APCDD1: variants seen among roughly 807,000 people sequenced by gnomAD.
The protein encoded by APCDD1 is protein APCDD1.
Under a neutral mutation model 38.1 loss-of-function variants are expected in APCDD1, and 15 were observed. That is an observed-to-expected ratio of 0.39 (90% confidence interval 0.26 to 0.61). The LOEUF is 0.61. Among genes scored for constraint, APCDD1 ranks in the 20% least tolerant of loss-of-function variants. APCDD1 has a pLI of 0.49. For missense variants in APCDD1, 647 were observed against 696.2 expected (o/e 0.93, Z 0.79); for synonymous variants, 261 against 279.7 (o/e 0.93, Z 0.67).
rs920934508 is a variant in APCDD1, at chr18:10,476,259, A to G, written c.774+4198A>G. 6.6e-6 allele frequency: 1 copy of G among 152,378 alleles called. No individual in the cohort carries two copies. The highest frequency in any genetic ancestry group is 1.5e-5 in the Non-Finnish European group (1 of 68,042). 9.4% of individuals were successfully genotyped at this position (152,378 alleles called of 1,614,324 possible). On this transcript the variant is annotated intron_variant, in intron 3 of 4. Coordinates refer to ENST00000355285, the MANE Select transcript of APCDD1 (RefSeq NM_153000.5). This position sits in a 1 kb window ranked among gnomAD's most constrained non-coding sequence, Gnocchi z 5.8. ...CCCTCTAGAAACAGGACACCGTGTA[A>G]AAATAGAAACTTTAAGTCAACTTGT...
Position 10,485,603 on chromosome 18 carries a change from G to A in APCDD1, c.916G>A (p.Val306Ile), listed in dbSNP as rs760127834. The A allele has an allele frequency of 2.5e-6, 4 of 1,613,978 alleles. No individual in the cohort carries two copies. Residue 306 changes from valine (V) to isoleucine (I), a missense_variant, in exon 4 of 5, where the codon GTC (valine) becomes ATC (isoleucine). Transcript: ENST00000355285. The surrounding 1 kb of genome is among the most constrained non-coding windows in gnomAD (Gnocchi z 5.8). The part of the protein sequence containing the change: ...VSQRCEVRPE[V>I]LFLTRHFIFH... ...CCAGCGCTGTGAGGTGCGCCCCGAA[G>A]TCCTCTTCCTCACCCGCCACTTCAT...
In APCDD1 at chr18:10,457,498, AT is replaced by A. The variant is rs1254443362; in HGVS notation, c.58+2467del. Among the ~76,000 whole-genome samples the A allele has an allele frequency of 2.6e-5, 4 of 152,250 alleles. No homozygotes were observed. The East Asian group carries it at 5.8e-4, about 22-fold the overall frequency. On this transcript the variant is annotated intron_variant, in intron 1 of 4. Coordinates refer to ENST00000355285, the MANE Select transcript of APCDD1 (RefSeq NM_153000.5). ...CTTGAAATCTTCTAAGGAATTAGTG[AT>A]TTTTTTTCCTGATAAATAGGCATTT... is the stretch of plus-strand genomic sequence containing the variant.
chr18:10,482,038 CT>C (rs1188341876), intron 3 of APCDD1, among the ~76,000 whole-genome samples: 2 of 152,116 alleles, frequency 1.3e-5, no homozygotes, highest in African/African-American at 4.8e-5. Context: ...GCAGTGCCCC[CT>C]CCCCTCCCCC....
At position 10,462,799 on chromosome 18, in the gene APCDD1, G is replaced by A. The variant is rs1053426496; in HGVS notation, c.59-5670G>A. ...CAAAAGATTTACTGTAGTTTGTTGG[G>A]AGCTGTTCCCTTCTTTTATCTTTCT... is the stretch of plus-strand genomic sequence containing the variant. On this transcript the variant is annotated intron_variant, in intron 1 of 4. Coordinates refer to ENST00000355285, the MANE Select transcript of APCDD1 (RefSeq NM_153000.5). Among the ~76,000 whole-genome samples, 5 of 151,878 alleles carry A rather than the reference G, an allele frequency of 3.3e-5. 1 individual carries two copies. Among genetic ancestry groups the A allele is most frequent in the African/African-American group, 1.2e-4 (5 of 41,310 alleles).
rs752102915 is a variant in APCDD1, at chr18:10,472,023, C to T, written c.736C>T (p.Arg246Trp). Reference sequence around the variant, plus strand: ...TGATGCCACCCAGAGGATGTTCTACCGGCCCTCCAGTTACCAGCCCCCTCT... The same window carrying T: ...TGATGCCACCCAGAGGATGTTCTACTGGCCCTCCAGTTACCAGCCCCCTCT... Reference protein sequence around the residue: ...HTDATQRMFYRPSSYQPPLQN... With the variant: ...HTDATQRMFYWPSSYQPPLQN... The change falls in exon 3 of 5, where the codon CGG becomes TGG. Residue 246 changes from arginine to tryptophan, a missense_variant. Physicochemically the swap from Arg to Trp is moderately radical, Grantham distance 101 (BLOSUM62 -3). Transcript: ENST00000355285. The surrounding 1 kb of genome is among the most constrained non-coding windows in gnomAD (Gnocchi z 6.6). The T allele has an allele frequency of 1.5e-5, 25 of 1,613,716 alleles. No homozygotes were observed. The highest frequency in any genetic ancestry group is 3.3e-5 in the Admixed American group (2 of 60,014).
At chr18:10,468,176 T>C (rs1054330669) in intron 1 of APCDD1, among the ~76,000 whole-genome samples, 8 of 152,260 alleles carry the variant, frequency 5.3e-5, no homozygotes, top group Non-Finnish European at 4.4e-5. Context: ...TGTTGCTTCA[T>C]AGATGCATGG....
chr18:10,471,748 G>A lies in APCDD1; in HGVS notation c.461G>A (p.Cys154Tyr). 1.9e-6 allele frequency: 3 copies of A among 1,613,892 alleles called. No individual in the cohort carries two copies. Among genetic ancestry groups the A allele is most frequent in the Non-Finnish European group, 2.5e-6 (3 of 1,179,874 alleles). The change falls in exon 3 of 5, where the codon TGC (cysteine) becomes TAC (tyrosine). Residue 154 changes from cysteine to tyrosine, a missense_variant. Cys to Tyr is a radical substitution (Grantham distance 194, BLOSUM62 -2). Coordinates refer to ENST00000355285, the MANE Select transcript of APCDD1 (RefSeq NM_153000.5). This position sits in a 1 kb window ranked among gnomAD's most constrained non-coding sequence, Gnocchi z 5.5. ...CAGCTGCACAACGTCCAGGTGATCT[G>A]CCACACAGAGGCGGTGGCCGAGAAG... Reference protein sequence around the residue: ...DYQLHNVQVICHTEAVAEKLG... With the variant: ...DYQLHNVQVIYHTEAVAEKLG...
At chr18:10,482,697 C>T (rs572606848) in intron 3 of APCDD1, among the ~76,000 whole-genome samples, 9 of 152,226 alleles carry the variant, frequency 5.9e-5, no homozygotes, top group Admixed American at 3.9e-4. Context: ...GTCACTGGTC[C>T]CCACACCAGG....
At chr18:10,482,463 G>A (rs71364220) in intron 3 of APCDD1, among the ~76,000 whole-genome samples, 1,793 of 152,314 alleles carry the variant, frequency 0.012, 16 homozygotes, top group Non-Finnish European at 0.018. Flanking sequence ...CCTGGCTGAC[G>A]GGAAGATCTG....
At chr18:10,460,372 A>G (rs1318036937) in intron 1 of APCDD1, among the ~76,000 whole-genome samples, 1 of 152,128 alleles carries the variant, frequency 6.6e-6, no homozygotes, top group Non-Finnish European at 1.5e-5. Context: ...CTAAAAAATA[A>G]ATGCAAAAAT....
At chr18:10,478,845 A>C (rs1469884380) in intron 3 of APCDD1, among the ~76,000 whole-genome samples, 2 of 152,144 alleles carry the variant, frequency 1.3e-5, no homozygotes, top group Non-Finnish European at 2.9e-5. Context: ...GATGATCAAA[A>C]TGAGCCCCAA....
intron 3 of APCDD1, among the ~76,000 whole-genome samples, chr18:10,481,682 T>TAAAA (rs34860980): frequency 9.8e-5 from 14 of 143,166 alleles, no homozygotes; most frequent in South Asian, 2.2e-4. Context: ...AACACAGTAA[T>TAAAA]AAAAAAAAAA....
chr18:10,480,472 A>C (rs1040268385), intron 3 of APCDD1, among the ~76,000 whole-genome samples: 5 of 152,188 alleles, frequency 3.3e-5, no homozygotes, highest in Admixed American at 2.0e-4. Context: ...TATTTTTAAA[A>C]TTTGTTACAA....
At chr18:10,479,647 T>C (rs143933956) in intron 3 of APCDD1, among the ~76,000 whole-genome samples, 10 of 152,282 alleles carry the variant, frequency 6.6e-5, no homozygotes, top group African/African-American at 2.4e-4. Flanking sequence ...CAAATTACCA[T>C]CCTGGCTCCA....
chr18:10,457,372 G>A (rs1047132636), intron 1 of APCDD1, among the ~76,000 whole-genome samples: 1 of 152,172 alleles, frequency 6.6e-6, no homozygotes, highest in African/African-American at 2.4e-5. Context: ...TGAATATGTC[G>A]TACTCAACTG....
intron 3 of APCDD1, among the ~76,000 whole-genome samples, chr18:10,480,012 T>C (rs971191285): frequency 1.3e-5 from 2 of 152,220 alleles, no homozygotes; most frequent in Non-Finnish European, 2.9e-5. Flanking sequence ...CTTTTTATAG[T>C]GTGTGTAAAG....
chr18:10,468,974 CTG>C (rs1353313023), intron 2 of APCDD1, among the ~76,000 whole-genome samples: 6 of 152,230 alleles, frequency 3.9e-5, no homozygotes, highest in Non-Finnish European at 8.8e-5. Context: ...AATTAAGAGA[CTG>C]TGTTTCACCA....
intron 1 of APCDD1, among the ~76,000 whole-genome samples, chr18:10,466,036 TGA>T (rs777965682): frequency 3.7e-4 from 57 of 152,244 alleles, no homozygotes; most frequent in Non-Finnish European, 7.2e-4. Context: ...TGGTTGATAC[TGA>T]GATGATGGCT....
At chr18:10,463,639 C>G (rs2030627625) in intron 1 of APCDD1, among the ~76,000 whole-genome samples, 1 of 152,178 alleles carries the variant, frequency 6.6e-6, no homozygotes, top group Non-Finnish European at 1.5e-5. Context: ...GGAAAGTCAT[C>G]CACATTTGCC....
Sources: allele counts gnomAD v4.1 joint callset (sites outside exome capture counted in the v4.1 genomes callset), GRCh38; gene constraint gnomAD v4.1.1; non-coding constraint Gnocchi (gnomAD v3.1); transcripts MANE v1.5; gene names NCBI Gene and HGNC (gene_info 2026-07-23, HGNC 2026-07-21).